KLHL2: variants seen among roughly 807,000 people sequenced by gnomAD.
The protein encoded by KLHL2 is kelch-like protein 2.
KLHL2 carries 15 observed loss-of-function variants against 75.8 expected under a neutral mutation model. That is an observed-to-expected ratio of 0.20 (90% CI 0.13 to 0.30). The LOEUF is 0.30. Among genes scored for constraint, KLHL2 ranks in the 10% least tolerant of loss-of-function variants. KLHL2 has a pLI of 1.00. For synonymous variants in KLHL2, 214 were observed against 251.9 expected (o/e 0.85, Z 1.42); for missense variants, 381 against 741.0 (o/e 0.51, Z 5.64).
chr4:165,270,886 G>A (rs577285017), intron 5 of KLHL2, among the ~76,000 whole-genome samples: 93 of 152,350 alleles, frequency 6.1e-4, no homozygotes, highest in African/African-American at 2.0e-3. Flanking sequence ...TAAGTCTGCA[G>A]AAGCGGTCTG....
chr4:165,236,517 C>T (rs1411522795), intron 3 of KLHL2, among the ~76,000 whole-genome samples: 1 of 152,170 alleles, frequency 6.6e-6, no homozygotes, highest in Non-Finnish European at 1.5e-5. Context: ...GCACCTGACT[C>T]TCATTCATAG....
At chr4:165,297,537 T>A (rs1015201958) in intron 6 of KLHL2, 72 bp from the exon 7 acceptor site, 1 of 852,788 alleles carries the variant, frequency 1.2e-6, no homozygotes, top group African/African-American at 1.7e-5. Context: ...TAAAATGTAG[T>A]CTCATATTTT....
At chr4:165,311,365 A>AT (rs1746171522) in intron 10 of KLHL2, 99 bp from the exon 11 acceptor site, 1 of 765,258 alleles carries the variant, frequency 1.3e-6, no homozygotes, top group Non-Finnish European at 2.1e-6. Flanking sequence ...TCTTCTCTTA[A>AT]TTTTAGCCCA....
intron 9 of KLHL2, among the ~76,000 whole-genome samples, chr4:165,306,990 A>T (rs900636138): frequency 7.2e-5 from 11 of 152,188 alleles, no homozygotes; most frequent in African/African-American, 2.7e-4. Context: ...GAGTGTGTGT[A>T]TACACACACA....
At chr4:165,283,718 C>T (rs921725722) in intron 5 of KLHL2, among the ~76,000 whole-genome samples, 2 of 152,206 alleles carry the variant, frequency 1.3e-5, no homozygotes, top group African/African-American at 4.8e-5. Flanking sequence ...CTCCACTAGG[C>T]AGTACCCCAG....
intron 5 of KLHL2, among the ~76,000 whole-genome samples, chr4:165,288,609 T>C (rs1029563751): frequency 6.6e-6 from 1 of 152,202 alleles, no homozygotes; most frequent in Admixed American, 6.5e-5. Context: ...GAATATTCCA[T>C]TGTATGGATA....
At chr4:165,276,906 G>A (rs1038784969) in intron 5 of KLHL2, among the ~76,000 whole-genome samples, 2 of 151,186 alleles carry the variant, frequency 1.3e-5, no homozygotes, top group African/African-American at 4.9e-5. Context: ...TTTGAAAACA[G>A]TATTTACTGT....
intron 1 of KLHL2, chr4:165,208,413 C>G (rs1221579277): frequency 6.6e-6 from 1 of 152,192 alleles, no homozygotes; most frequent in African/African-American, 2.4e-5. Context: ...GAGCGGCGGC[C>G]GTTCAGGGCA....
At chr4:165,264,724 A>G (rs1316237717) in intron 5 of KLHL2, among the ~76,000 whole-genome samples, 14 of 70,498 alleles carry the variant, frequency 2.0e-4, no homozygotes, top group African/African-American at 7.1e-4. Flanking sequence ...ATATATACAT[A>G]TATATATATA....
At chr4:165,265,964 A>G (rs1296900895) in intron 5 of KLHL2, among the ~76,000 whole-genome samples, 2 of 152,156 alleles carry the variant, frequency 1.3e-5, no homozygotes, top group African/African-American at 4.8e-5. Context: ...CTATTTCTCC[A>G]CATCCTATCC....
chr4:165,249,154 A>G (rs1177088746), intron 4 of KLHL2, among the ~76,000 whole-genome samples: 1 of 152,178 alleles, frequency 6.6e-6, no homozygotes, highest in African/African-American at 2.4e-5. Flanking sequence ...ATGGTGAGCA[A>G]TGAAGGTGAT....
intron 8 of KLHL2, among the ~76,000 whole-genome samples, chr4:165,303,497 C>CCCCCCCCT (rs1037547600): frequency 7.0e-6 from 1 of 143,874 alleles, no homozygotes; most frequent in Non-Finnish European, 1.6e-5. Flanking sequence ...CAACCTTGCC[C>CCCCCCCCT]CCCCCGCCGT....
At chr4:165,306,768 G>A (rs1745759330) in intron 9 of KLHL2, among the ~76,000 whole-genome samples, 1 of 152,304 alleles carries the variant, frequency 6.6e-6, no homozygotes, top group South Asian at 2.1e-4. Context: ...CACAGATACA[G>A]TTATGTTAAG....
Position 165,313,922 on chromosome 4 carries a change from A to G in KLHL2, c.1469-104A>G, listed in dbSNP as rs932791978. The stretch of plus-strand genomic sequence containing the variant: ...TAGTATCAGCTTGCTTTTATTATGA[A>G]TTATAACTTCGAAAGTTTTAGTTAC... On this transcript the variant is annotated intron_variant, in intron 12 of 14. Transcript: ENST00000226725. 7 of 1,195,154 alleles carry G rather than the reference A, an allele frequency of 5.9e-6. No homozygotes were observed. The African/African-American group carries it at 9.4e-5, about 16-fold the overall frequency. 74.0% of individuals were successfully genotyped at this position (1,195,154 alleles called of 1,614,324 possible).
At chr4:165,302,609 G>T (rs909751876) in intron 8 of KLHL2, among the ~76,000 whole-genome samples, 1 of 152,050 alleles carries the variant, frequency 6.6e-6, no homozygotes, top group African/African-American at 2.4e-5. Flanking sequence ...TAAAAATTGT[G>T]TGTGTTTTGC....
intron 1 of KLHL2, among the ~76,000 whole-genome samples, chr4:165,210,925 G>C (rs946163537): frequency 4.6e-5 from 7 of 151,606 alleles, no homozygotes; most frequent in African/African-American, 1.7e-4. Context: ...TCACAAGTCG[G>C]CTTACTCTCT....
At chr4:165,277,004 T>C (rs34274617) in intron 5 of KLHL2, among the ~76,000 whole-genome samples, 11,395 of 152,222 alleles carry the variant, frequency 0.075, 900 homozygotes, top group African/African-American at 0.2. Flanking sequence ...CACAATAAAG[T>C]ATATTTTCTT....
rs1303840613 is a variant in KLHL2 at position 165,297,734 on chromosome 4, A to G, written c.771+9A>G. On this transcript the variant is annotated intron_variant, in intron 7 of 14. Transcript: ENST00000226725. ...GGGAATATTTAGTTCAGGTAAATGC[A>G]TATGCAAAACATATGAATCCACACA... The G allele has an allele frequency of 8.0e-6, 12 of 1,506,674 alleles. No homozygotes were observed. In the African/African-American group the frequency reaches 1.4e-4, roughly 17 times the overall value. The allele number at this position is 1,506,674 out of a possible 1,614,324, so 93.3% of individuals were successfully genotyped here. A position where few individuals can be genotyped will look rare whatever the true frequency, so the allele number is the denominator to read the frequency against.
At chr4:165,257,550 T>A (rs1741283450) in intron 4 of KLHL2, among the ~76,000 whole-genome samples, 1 of 152,124 alleles carries the variant, frequency 6.6e-6, no homozygotes, top group African/African-American at 2.4e-5. Flanking sequence ...AGAAAGGTGG[T>A]CAAAGCCTGC....
Sources: gnomAD v4.1 joint callset for allele counts (sites outside exome capture counted in the v4.1 genomes callset) on GRCh38, gnomAD v4.1.1 for gene constraint, MANE v1.5 for transcripts, NCBI Gene and HGNC (gene_info 2026-07-23, HGNC 2026-07-21) for gene names.